Variants in SLC7A7 observed in about 807,000 individuals in gnomAD.
SLC7A7 encodes solute carrier family 7 member 7, also known as Y+L amino acid transporter 1.
In SLC7A7, 39 loss-of-function variants were observed where a neutral mutation model predicts 47.9. That is an observed-to-expected ratio of 0.81 (90% CI 0.63 to 1.06). SLC7A7 has a LOEUF of 1.06. SLC7A7 is among the 50% of genes least tolerant of loss of function. The pLI, the probability that SLC7A7 is intolerant of heterozygous loss-of-function variation, is 0.00. For synonymous variants in SLC7A7, 234 were observed against 242.8 expected (o/e 0.96, Z 0.34); for missense variants, 588 against 632.0 (o/e 0.93, Z 0.75).
At chr14:22,779,422 T>TA in intron 3 of SLC7A7, among the ~76,000 whole-genome samples, 1 of 151,960 alleles carries the variant, frequency 6.6e-6, no homozygotes, top group South Asian at 2.1e-4. Flanking sequence ...CTCCTCTACT[T>TA]ACCGGTAGCA....
intron 2 of SLC7A7, among the ~76,000 whole-genome samples, chr14:22,795,666 G>A (rs1428183967): frequency 6.6e-6 from 1 of 151,432 alleles, no homozygotes; most frequent in East Asian, 2.0e-4. Flanking sequence ...AGTAGAGACG[G>A]GTTTCACCAT....
At chr14:22,784,430 C>CA (rs2038776950) in intron 2 of SLC7A7, among the ~76,000 whole-genome samples, 1 of 151,994 alleles carries the variant, frequency 6.6e-6, no homozygotes, top group Non-Finnish European at 1.5e-5. Flanking sequence ...CCATCCTGGC[C>CA]AACATGGTGA....
chr14:22,813,010 G>A lies in SLC7A7; in HGVS notation c.389C>T (p.Thr130Ile), dbSNP rs2039341186. Residue 130 changes from threonine to isoleucine, a missense_variant, in exon 2 of 10, where the codon ACC (threonine) becomes ATC (isoleucine). Coordinates refer to ENST00000674313, the MANE Select transcript of SLC7A7 (RefSeq NM_003982.4). ...GGTGATGGCAATGATGGCCTGGCTG[G>A]TGGGCTCAATGATGAGCAGGGAGGT... ...LWTSLLIIEPTSQAIIAITFA... is the reference protein window; with the variant it reads ...LWTSLLIIEPISQAIIAITFA... The A allele has an allele frequency of 1.9e-6, 3 of 1,614,038 alleles. No individual in the cohort carries two copies. The highest frequency in any genetic ancestry group is 1.6e-4 in the Middle Eastern group (1 of 6,062).
In SLC7A7 at chr14:22,813,191, C is replaced by G. The variant is rs1195832434; in HGVS notation, c.208G>C (p.Gly70Arg). ...KGVLIYSASF[G>R]LSLVIWAVGG... ...ACAGCCCAGATGACCAGAGAGAGAC[C>G]AAAGGAGGCACTGTATATGAGCACA... The change falls in exon 2 of 10, where the codon GGT becomes CGT. Residue 70 changes from glycine to arginine, a missense_variant. Gly to Arg is a moderately radical substitution (Grantham distance 125). Transcript: ENST00000674313. The G allele has an allele frequency of 1.9e-6, 3 of 1,614,052 alleles. No individual in the cohort carries two copies. The highest frequency in any genetic ancestry group is 2.5e-6 in the Non-Finnish European group (3 of 1,180,036).
intron 6 of SLC7A7, 21 bp from the exon 7 acceptor site, chr14:22,775,561 G>T: frequency 6.2e-7 from 1 of 1,604,242 alleles, no homozygotes; most frequent in Non-Finnish European, 8.5e-7. Flanking sequence ...TAAGATAGGA[G>T]AAGCTGAGAA....
At chr14:22,809,045 TGCACC>T (rs1277643054) in intron 2 of SLC7A7, among the ~76,000 whole-genome samples, 1 of 152,246 alleles carries the variant, frequency 6.6e-6, no homozygotes, top group Admixed American at 6.5e-5. Flanking sequence ...ACAAGTGCTG[TGCACC>T]TTTCACTCTA....
chr14:22,784,415 C>T (rs2038776446), intron 2 of SLC7A7, among the ~76,000 whole-genome samples: 1 of 152,182 alleles, frequency 6.6e-6, no homozygotes, highest in Admixed American at 6.5e-5. Context: ...GTCAAGAGAT[C>T]GAGACCATCC....
At position 22,812,981 on chromosome 14, in the gene SLC7A7, C is replaced by G. The variant is rs386833815; in HGVS notation, c.418G>C (p.Ala140Pro). The change falls in exon 2 of 10, where the codon GCC becomes CCC. Residue 140 changes from alanine to proline, a missense_variant. Ala to Pro is a conservative substitution (Grantham distance 27, BLOSUM62 -1). Coordinates refer to ENST00000674313, the MANE Select transcript of SLC7A7 (RefSeq NM_003982.4). ...AAGAGAGGCTGTACCATGTAGTTGG[C>G]AAAGGTGATGGCAATGATGGCCTGG... Reference protein sequence around the residue: ...TSQAIIAITFANYMVQPLFPS... With the variant: ...TSQAIIAITFPNYMVQPLFPS... 9.3e-6 allele frequency: 15 copies of G among 1,613,892 alleles called. No homozygotes were observed. Among genetic ancestry groups the G allele is most frequent in the Non-Finnish European group, 1.2e-5 (14 of 1,179,998 alleles).
In SLC7A7 at chr14:22,774,178, C is replaced by T. The variant is rs542408242; in HGVS notation, c.1246-62G>A. 99 of 1,598,604 alleles carry T rather than the reference C, an allele frequency of 6.2e-5. No homozygotes were observed. In the African/African-American group the frequency reaches 1.2e-3, roughly 19 times the overall value. The stretch of plus-strand genomic sequence containing the variant: ...CAGGATTCTTAACAGCTAAAATAAC[C>T]CCACCTCCCATAAGGATTAGCGCAC... On this transcript the variant is annotated intron_variant, in intron 8 of 9. Transcript: ENST00000674313.
intron 1 of SLC7A7, among the ~76,000 whole-genome samples, chr14:22,813,831 C>A (rs111991693): frequency 0.11 from 13,650 of 128,368 alleles, 972 homozygotes; most frequent in East Asian, 0.39. Context: ...GCTCTTGTTG[C>A]CCAGGCTGGA....
chr14:22,808,382 G>A (rs2039248135), intron 2 of SLC7A7, among the ~76,000 whole-genome samples: 1 of 152,194 alleles, frequency 6.6e-6, no homozygotes, highest in Non-Finnish European at 1.5e-5. Flanking sequence ...TTCTAAGGGA[G>A]GGAATGTATG....
At position 22,773,719 on chromosome 14, in the gene SLC7A7, A is replaced by C. The variant is rs1302610605; in HGVS notation, c.1430-3T>G. ...CTGGAGGTACCTTGTGGCAGACCCT[A>C]CAAAGAGAACTTTGAGTTGGAATTG... On this transcript the variant is annotated splice_region_variant and splice_polypyrimidine_tract_variant and intron_variant, in intron 9 of 9. Coordinates refer to ENST00000674313, the MANE Select transcript of SLC7A7 (RefSeq NM_003982.4). 1.2e-6 allele frequency: 2 copies of C among 1,613,926 alleles called. No homozygotes were observed. The highest frequency in any genetic ancestry group is 2.2e-5 in the South Asian group (2 of 91,076).
intron 2 of SLC7A7, among the ~76,000 whole-genome samples, chr14:22,792,454 T>G (rs1446694622): frequency 6.6e-6 from 1 of 152,082 alleles, no homozygotes; most frequent in Non-Finnish European, 1.5e-5. Flanking sequence ...TCCTAGCTAC[T>G]TGGAAGGCTG....
Position 22,773,635 on chromosome 14 carries a change from T to C in SLC7A7, c.1511A>G (p.Lys504Arg). 1 of 1,614,186 alleles carries C rather than the reference T, an allele frequency of 6.2e-7. No individual in the cohort carries two copies. Among genetic ancestry groups the C allele is most frequent in the Non-Finnish European group, 8.5e-7 (1 of 1,180,012 alleles). ...TTAGTTAGATTTGGGATCCCGTTGC[T>C]TGGGCATCTCTCCTCCATCTTCCAA... ...MDLEDGGEMP[K>R]QRDPKSN Residue 504 changes from lysine (K) to arginine (R), a missense_variant, in exon 10 of 10, where the codon AAG becomes AGG. Coordinates refer to ENST00000674313, the MANE Select transcript of SLC7A7 (RefSeq NM_003982.4).
chr14:22,780,110 C>G (rs1399360619), intron 2 of SLC7A7, 59 bp from the exon 3 acceptor site: 4 of 1,609,846 alleles, frequency 2.5e-6, no homozygotes, highest in Non-Finnish European at 3.4e-6. Context: ...GCCTTAGACT[C>G]CCAAGCAATT....
upstream of SLC7A7, among the ~76,000 whole-genome samples, chr14:22,816,882 C>T (rs1201786955): frequency 6.6e-6 from 1 of 151,984 alleles, no homozygotes; most frequent in Non-Finnish European, 1.5e-5. Flanking sequence ...AGAGATCATG[C>T]TTCTCCCAAG....
chr14:22,805,031 A>G (rs918111926), intron 2 of SLC7A7, among the ~76,000 whole-genome samples: 5 of 152,070 alleles, frequency 3.3e-5, no homozygotes, highest in Admixed American at 3.3e-4. Flanking sequence ...CAAACAAACA[A>G]AAAAAGGCAA....
At chr14:22,777,675 C>T (rs2038640759) in intron 4 of SLC7A7, among the ~76,000 whole-genome samples, 3 of 152,222 alleles carry the variant, frequency 2.0e-5, no homozygotes. Flanking sequence ...CTTCTGTTAT[C>T]TCTGTTCCCA....
intron 2 of SLC7A7, among the ~76,000 whole-genome samples, chr14:22,788,246 C>T (rs920860722): frequency 2.6e-5 from 4 of 152,216 alleles, no homozygotes; most frequent in African/African-American, 9.6e-5. Flanking sequence ...GAATTTGCCA[C>T]GAACCTCTCC....
Sources: gnomAD v4.1 joint callset for allele counts (sites outside exome capture counted in the v4.1 genomes callset) on GRCh38, gnomAD v4.1.1 for gene constraint, MANE v1.5 for transcripts, NCBI Gene and HGNC (gene_info 2026-07-23, HGNC 2026-07-21) for gene names.